The following DNAJA2 variants were observed in gnomAD, a reference collection of about 807,000 sequenced individuals.
DNAJA2 encodes the protein dnaJ homolog subfamily A member 2.
Under a neutral mutation model 49.3 loss-of-function variants are expected in DNAJA2, and 6 were observed. The observed-to-expected ratio is 0.12, with a 90% CI of 0.07 to 0.24. DNAJA2 has a LOEUF of 0.24. Ranked by LOEUF, DNAJA2 falls within the 10% of genes least tolerant of loss-of-function variation. DNAJA2 has a pLI of 1.00. For synonymous variants in DNAJA2, 160 were observed against 172.7 expected (o/e 0.93, Z 0.58); for missense variants, 347 against 516.8 (o/e 0.67, Z 3.19).
In DNAJA2 at chr16:46,955,866, CTTA is replaced by C. The variant is rs1009120566; in HGVS notation, c.*1160_*1162del. ...TTCTCAAACCAGCCTTTTTTTTTTGCTTATTTTTAGTTTGAAATATAAATAACT... is the reference window on the plus strand; with the variant it reads ...TTCTCAAACCAGCCTTTTTTTTTTGCTTTTTAGTTTGAAATATAAATAACT... On this transcript the variant is annotated 3_prime_UTR_variant, in exon 9 of 9. Transcript: ENST00000317089. The C allele has an allele frequency of 7.3e-5, 11 of 150,190 alleles. No homozygotes were observed. The highest frequency in any genetic ancestry group is 1.2e-4 in the Non-Finnish European group (8 of 67,514). The allele number at this position is 150,190 out of a possible 1,614,324, so 9.3% of individuals were successfully genotyped here.
chr16:46,970,813 C>T (rs937261069), intron 3 of DNAJA2, among the ~76,000 whole-genome samples: 2 of 145,220 alleles, frequency 1.4e-5, no homozygotes, highest in African/African-American at 5.1e-5. Context: ...CCGAGGCAGG[C>T]AGATCACCTG....
chr16:46,964,553 A>G (rs1276478128), intron 6 of DNAJA2, 58 bp downstream of exon 6: 7 of 1,522,150 alleles, frequency 4.6e-6, no homozygotes, highest in Non-Finnish European at 5.3e-6. Context: ...TATTTCTCAC[A>G]AGCAAGAAGT....
chr16:46,964,502 A>C (rs1886003332), intron 6 of DNAJA2, 109 bp downstream of exon 6: 5 of 1,016,828 alleles, frequency 4.9e-6, no homozygotes, highest in Admixed American at 2.8e-5. Context: ...TAACTTCACC[A>C]GTGTTCAGTG....
Position 46,959,646 on chromosome 16 carries a change from C to T in DNAJA2, c.775-227G>A, listed in dbSNP as rs572414090. ...GTGTACTGGAACTGGTAAACAATGG[C>T]ATATATAAGAGCAACAGAACTGAGG... On this transcript the variant is annotated intron_variant, in intron 6 of 8. Transcript: ENST00000317089. 1.9e-5 allele frequency: 9 copies of T among 462,768 alleles called. No homozygotes were observed. In the Admixed American group the frequency reaches 3.3e-4, roughly 17 times the overall value. 28.7% of individuals were successfully genotyped at this position (462,768 alleles called of 1,614,324 possible).
In DNAJA2 at chr16:46,960,269, T is replaced by C. The variant is rs538029406; in HGVS notation, c.775-850A>G. Among the ~76,000 whole-genome samples, 13 of 152,342 alleles carry C rather than the reference T, an allele frequency of 8.5e-5. No homozygotes were observed. The South Asian group carries it at 1.2e-3, about 15-fold the overall frequency. The stretch of plus-strand genomic sequence containing the variant: ...TTCTGGACCAGCAGCTTCAGGAAAC[T>C]TGTTAGGAACACATATTCTTGGGCC... On this transcript the variant is annotated intron_variant, in intron 6 of 8. Transcript: ENST00000317089.
Position 46,971,446 on chromosome 16 carries a change from A to C in DNAJA2, c.265T>G (p.Ser89Ala), listed in dbSNP as rs750648975. The change falls in exon 3 of 9, where the codon TCT becomes GCT. Residue 89 changes from serine to alanine, a missense_variant. Coordinates refer to ENST00000317089, the MANE Select transcript of DNAJA2 (RefSeq NM_005880.4). The stretch of plus-strand genomic sequence containing the variant: ...AACAATCCCCCACCAAAAATGTGAG[A>C]GAAAATATCATCCATGCCACCACCT... ...GGGGGMDDIF[S>A]HIFGGGLFGF... is the part of the protein sequence containing the mutation. The C allele has an allele frequency of 2.5e-6, 4 of 1,614,142 alleles. No homozygotes were observed. The highest frequency in any genetic ancestry group is 1.1e-5 in the South Asian group (1 of 91,074).
At chr16:46,969,445 A>C (rs1033379831) in intron 3 of DNAJA2, among the ~76,000 whole-genome samples, 16 of 152,224 alleles carry the variant, frequency 1.1e-4, no homozygotes, top group African/African-American at 3.9e-4. Context: ...ATTAAATTAC[A>C]ATTGGTATGC....
chr16:46,967,588 G>A lies in DNAJA2; in HGVS notation c.502C>T (p.Arg168Cys), dbSNP rs140371161. 2.5e-5 allele frequency: 40 copies of A among 1,613,940 alleles called. No individual in the cohort carries two copies. Among genetic ancestry groups the A allele is most frequent in the Non-Finnish European group, 2.9e-5 (34 of 1,180,036 alleles). Residue 168 changes from arginine (R) to cysteine (C), a missense_variant, in exon 5 of 9, where the codon CGC (arginine) becomes TGC (cysteine). Arg to Cys is a radical substitution (Grantham distance 180). Transcript: ENST00000317089. ...KCSACRGRGV[R>C]IMIRQLAPGM... ...GGAGCCAGCTGTCTGATCATGATGC[G>A]CACACCTCGACCTCGACAAGCACTA...
rs1293284386 is a variant in DNAJA2, at chr16:46,967,386, C to T, written c.577+127G>A. On this transcript the variant is annotated intron_variant, in intron 5 of 8. Coordinates refer to ENST00000317089, the MANE Select transcript of DNAJA2 (RefSeq NM_005880.4). ...GGAATTATAGGAATGAGCTAACGCA[C>T]CCGGCCTCCTTTTTCTTTAATAAGA... The T allele has an allele frequency of 2.4e-6, 3 of 1,255,306 alleles. No individual in the cohort carries two copies. The Admixed American group carries it at 8.1e-5, about 34-fold the overall frequency. 77.8% of individuals were successfully genotyped at this position (1,255,306 alleles called of 1,614,324 possible).
At chr16:46,959,166 CAA>C (rs1430934920) in intron 7 of DNAJA2, 36 bp from the exon 8 acceptor site, 3 of 1,576,584 alleles carry the variant, frequency 1.9e-6, no homozygotes, top group Non-Finnish European at 2.6e-6. Flanking sequence ...TAATTTTACC[CAA>C]AAGAGGTGTT....
At chr16:46,964,233 G>A (rs1961937385) in intron 6 of DNAJA2, among the ~76,000 whole-genome samples, 1 of 152,138 alleles carries the variant, frequency 6.6e-6, no homozygotes. Flanking sequence ...TTAGCCAGGA[G>A]TGAAGAAGCA....
At chr16:46,969,834 CT>C (rs550474712) in intron 3 of DNAJA2, among the ~76,000 whole-genome samples, 16 of 152,186 alleles carry the variant, frequency 1.1e-4, no homozygotes, top group Middle Eastern at 3.4e-3. Context: ...TATAGCATAA[CT>C]TTTTTTTAAA....
rs1246476851 is a variant in DNAJA2 at position 46,956,375 on chromosome 16, A to G, written c.*654T>C. The G allele has an allele frequency of 6.6e-6, 1 of 152,092 alleles. No individual in the cohort carries two copies. The highest frequency in any genetic ancestry group is 6.6e-5 in the Admixed American group (1 of 15,226). 9.4% of individuals were successfully genotyped at this position (152,092 alleles called of 1,614,324 possible). ...GTTTTTCCTTCTAAAAATGTGACAC[A>G]AAAGAATAATTTACACCAACCGCTT... is the stretch of plus-strand genomic sequence containing the variant. On this transcript the variant is annotated 3_prime_UTR_variant, in exon 9 of 9. Transcript: ENST00000317089.
At chr16:46,967,759 T>TAA in intron 4 of DNAJA2, 113 bp from the exon 5 acceptor site, 1 of 1,377,762 alleles carries the variant, frequency 7.3e-7, no homozygotes, top group Non-Finnish European at 1.0e-6. Flanking sequence ...AACTTGTATT[T>TAA]AAATTGACTT....
In DNAJA2 at chr16:46,959,520, C is replaced by T. The variant is rs538447578; in HGVS notation, c.775-101G>A. 4 of 1,131,480 alleles carry T rather than the reference C, an allele frequency of 3.5e-6. No homozygotes were observed. The Admixed American group carries it at 7.1e-5, about 20-fold the overall frequency. 70.1% of individuals were successfully genotyped at this position (1,131,480 alleles called of 1,614,324 possible). On this transcript the variant is annotated intron_variant, in intron 6 of 8. Transcript: ENST00000317089. ...CTTAATTTCAAAACCTTATTTCTACCACTCACTGCAAATCCAAAGTGCCAC... is the reference window on the plus strand; with the variant it reads ...CTTAATTTCAAAACCTTATTTCTACTACTCACTGCAAATCCAAAGTGCCAC...
In DNAJA2 at chr16:46,967,521, T is replaced by C. The variant is rs1226522815; in HGVS notation, c.569A>G (p.Asn190Ser). ...AGTACTGGCACACATACCTTCTCCA[T>C]TACAATCAGAGCACACAGACTGCAT... ...QQMQSVCSDCNGEGEVINEKD... is the reference protein window; with the variant it reads ...QQMQSVCSDCSGEGEVINEKD... Residue 190 changes from asparagine (N) to serine (S), a missense_variant, in exon 5 of 9, where the codon AAT becomes AGT. Coordinates refer to ENST00000317089, the MANE Select transcript of DNAJA2 (RefSeq NM_005880.4). 1.9e-6 allele frequency: 3 copies of C among 1,614,062 alleles called. No individual in the cohort carries two copies. The highest frequency in any genetic ancestry group is 2.7e-5 in the African/African-American group (2 of 74,926).
At chr16:46,958,944 A>C in intron 8 of DNAJA2, 59 bp downstream of exon 8, 2 of 1,543,078 alleles carry the variant, frequency 1.3e-6, no homozygotes, top group Non-Finnish European at 1.7e-6. Context: ...TGTCTAAAAA[A>C]CCAAAAACCG....
chr16:46,968,277 A>C lies in DNAJA2; in HGVS notation c.363-113T>G. ...TATCAACTTTTAAAACAGAATTCAA[A>C]AACACCTCATAATCTCACATTAAAT... is the stretch of plus-strand genomic sequence containing the variant. On this transcript the variant is annotated intron_variant, in intron 3 of 8. Transcript: ENST00000317089. 4.6e-6 allele frequency: 3 copies of C among 647,844 alleles called. No individual in the cohort carries two copies. The South Asian group carries it at 6.1e-5, about 13-fold the overall frequency. 40.1% of individuals were successfully genotyped at this position (647,844 alleles called of 1,614,324 possible).
intron 8 of DNAJA2, chr16:46,958,668 A>T: frequency 4.7e-6 from 1 of 210,982 alleles, no homozygotes; most frequent in Non-Finnish European, 9.4e-6. Flanking sequence ...AATCCCAGCT[A>T]CTTGGGTGGC....
Sources: allele counts gnomAD v4.1 joint callset (sites outside exome capture counted in the v4.1 genomes callset), GRCh38; gene constraint gnomAD v4.1.1; transcripts MANE v1.5; gene names NCBI Gene and HGNC (gene_info 2026-07-23, HGNC 2026-07-21).